The following CDK19 variants were observed in gnomAD, a reference collection of about 807,000 sequenced individuals.
The protein encoded by CDK19 is cyclin-dependent kinase 19.
Under a neutral mutation model 68.3 loss-of-function variants are expected in CDK19, and 20 were observed. The ratio of observed to expected loss-of-function variants is 0.29; its 90% confidence interval spans 0.21 to 0.43. CDK19 has a LOEUF of 0.43. Ranked by LOEUF, CDK19 falls within the 20% of genes least tolerant of loss-of-function variation. CDK19 has a pLI of 1.00. For synonymous variants in CDK19, 221 were observed against 222.8 expected, an observed-to-expected ratio of 0.99 and a Z score of 0.07; for missense variants, 339 against 623.5, an observed-to-expected ratio of 0.54 and a Z score of 4.86.
At chr6:110,799,919 C>A (rs944905546) in intron 1 of CDK19, among the ~76,000 whole-genome samples, 4 of 152,166 alleles carry the variant, frequency 2.6e-5, no homozygotes, top group African/African-American at 9.7e-5. Flanking sequence ...ATTTTCAACA[C>A]ACAGTTGATT....
intron 2 of CDK19, among the ~76,000 whole-genome samples, chr6:110,741,185 G>C (rs977555155): frequency 3.9e-5 from 6 of 152,068 alleles, no homozygotes; most frequent in African/African-American, 1.4e-4. Flanking sequence ...GTGGGGTGCA[G>C]CGGTTCATAC....
At chr6:110,768,885 G>A (rs113195167) in intron 1 of CDK19, among the ~76,000 whole-genome samples, 8 of 152,110 alleles carry the variant, frequency 5.3e-5, no homozygotes, top group African/African-American at 1.4e-4. Flanking sequence ...AGGCATGGTG[G>A]CTCAAGCCTG....
chr6:110,681,320 TG>T (rs1400910334), intron 2 of CDK19, among the ~76,000 whole-genome samples: 2 of 152,216 alleles, frequency 1.3e-5, no homozygotes, highest in Admixed American at 1.3e-4. Flanking sequence ...CACTTCAGCC[TG>T]GGCACCAGAG....
intron 2 of CDK19, among the ~76,000 whole-genome samples, chr6:110,744,252 C>A (rs986628340): frequency 1.3e-5 from 2 of 151,878 alleles, no homozygotes; most frequent in African/African-American, 2.4e-5. Flanking sequence ...GGTGATCCAC[C>A]CCCCCAACAG....
At chr6:110,751,140 TTC>T (rs1778448065) in intron 1 of CDK19, among the ~76,000 whole-genome samples, 1 of 152,162 alleles carries the variant, frequency 6.6e-6, no homozygotes, top group Non-Finnish European at 1.5e-5. Context: ...AGCCCAATAC[TTC>T]TCTTTCATAT....
chr6:110,787,640 C>T (rs571278343), intron 1 of CDK19, among the ~76,000 whole-genome samples: 24 of 152,250 alleles, frequency 1.6e-4, no homozygotes, highest in African/African-American at 5.5e-4. Context: ...CAGGGTCTGA[C>T]TATGTTGCCC....
At chr6:110,700,557 C>T (rs2114632664) in intron 2 of CDK19, 1 of 152,356 alleles carries the variant, frequency 6.6e-6, no homozygotes, top group South Asian at 2.1e-4. Context: ...AGCTGTGCCA[C>T]ATCCATGGCC....
At chr6:110,742,315 T>A (rs1406273398) in intron 2 of CDK19, among the ~76,000 whole-genome samples, 1 of 152,236 alleles carries the variant, frequency 6.6e-6, no homozygotes, top group East Asian at 1.9e-4. Context: ...TTCTTGTCTG[T>A]CTGTACTTTA....
intron 2 of CDK19, among the ~76,000 whole-genome samples, chr6:110,718,185 C>T (rs914508978): frequency 2.0e-5 from 3 of 152,158 alleles, no homozygotes; most frequent in Non-Finnish European, 4.4e-5. Context: ...CCCAAATGGA[C>T]TAAGACACCA....
intron 4 of CDK19, chr6:110,645,827 C>A: frequency 1.7e-6 from 1 of 603,372 alleles, no homozygotes; most frequent in Non-Finnish European, 3.1e-6. Flanking sequence ...TGGCCGCGCA[C>A]GACGCGCCGC....
At chr6:110,790,824 G>A (rs1286983864) in intron 1 of CDK19, among the ~76,000 whole-genome samples, 1 of 152,124 alleles carries the variant, frequency 6.6e-6, no homozygotes, top group Non-Finnish European at 1.5e-5. Flanking sequence ...TCAATCAACA[G>A]AGTAACTGGT....
intron 2 of CDK19, among the ~76,000 whole-genome samples, chr6:110,711,769 A>C (rs1440928479): frequency 6.6e-6 from 1 of 152,242 alleles, no homozygotes. Flanking sequence ...GGAGTTTGAG[A>C]CCAGCCTGGC....
chr6:110,799,144 TA>T (rs369106433), intron 1 of CDK19, among the ~76,000 whole-genome samples: 20 of 49,130 alleles, frequency 4.1e-4, no homozygotes, highest in African/African-American at 1.5e-3. Context: ...ACCCTGTATT[TA>T]AAAAAAAAAA....
At chr6:110,626,935 T>C (rs1779127301) in intron 7 of CDK19, 67 bp downstream of exon 7, 1 of 1,454,844 alleles carries the variant, frequency 6.9e-7, no homozygotes, top group Non-Finnish European at 9.4e-7. Context: ...CATTAAAATA[T>C]GCTTTTGAGA....
intron 2 of CDK19, among the ~76,000 whole-genome samples, chr6:110,704,918 A>T (rs536571290): frequency 2.0e-4 from 30 of 152,278 alleles, no homozygotes; most frequent in African/African-American, 6.3e-4. Flanking sequence ...AGAAAGAGTG[A>T]ATAGGATTTA....
intron 1 of CDK19, among the ~76,000 whole-genome samples, chr6:110,796,439 G>A (rs890427716): frequency 2.6e-5 from 4 of 151,866 alleles, no homozygotes; most frequent in Non-Finnish European, 2.9e-5. Context: ...GACTGTTTGA[G>A]CTCAGGAGTT....
intron 12 of CDK19, 99 bp from the exon 13 acceptor site, chr6:110,614,765 G>T: frequency 8.1e-7 from 1 of 1,235,324 alleles, no homozygotes; most frequent in Non-Finnish European, 1.1e-6. Context: ...GTTTTCATTA[G>T]GTTCCTGGTT....
chr6:110,753,381 C>T (rs902886159), intron 1 of CDK19, among the ~76,000 whole-genome samples: 3 of 151,744 alleles, frequency 2.0e-5, no homozygotes, highest in African/African-American at 7.3e-5. Flanking sequence ...TTCAAAACAA[C>T]TAGAATAATT....
chr6:110,648,603 C>T (rs1312436208), intron 4 of CDK19, among the ~76,000 whole-genome samples: 2 of 147,060 alleles, frequency 1.4e-5, no homozygotes, highest in African/African-American at 2.5e-5. Context: ...TGCAGTGGCA[C>T]GATCTTCGCT....
Sources: gnomAD v4.1 joint callset for allele counts (sites outside exome capture counted in the v4.1 genomes callset) on GRCh38, gnomAD v4.1.1 for gene constraint, MANE v1.5 for transcripts, NCBI Gene and HGNC (gene_info 2026-07-23, HGNC 2026-07-21) for gene names.